EYA3: variants seen among roughly 807,000 people sequenced by gnomAD.
The protein encoded by EYA3 is protein phosphatase EYA3.
Under a neutral mutation model 80.0 loss-of-function variants are expected in EYA3, and 39 were observed. The ratio of observed to expected loss-of-function variants is 0.49; its 90% confidence interval spans 0.38 to 0.64. EYA3 has a LOEUF of 0.64. EYA3 is among the 30% of genes least tolerant of loss of function. The probability of loss-of-function intolerance (pLI) is 0.00; values close to 1 mark genes in which losing one functional copy is unlikely to be tolerated. For synonymous variants in EYA3, 206 were observed against 232.8 expected, an observed-to-expected ratio of 0.88 and a Z score of 1.05; for missense variants, 523 against 676.1, an observed-to-expected ratio of 0.77 and a Z score of 2.51.
At chr1:28,055,469 T>G (rs1420104765) in intron 2 of EYA3, among the ~76,000 whole-genome samples, 1 of 145,182 alleles carries the variant, frequency 6.9e-6, no homozygotes, top group Non-Finnish European at 1.5e-5. Context: ...AATCTTTTTT[T>G]TTTTTTTTTT....
At chr1:28,079,532 C>T (rs1645345849) in intron 1 of EYA3, among the ~76,000 whole-genome samples, 1 of 152,166 alleles carries the variant, frequency 6.6e-6, no homozygotes, top group African/African-American at 2.4e-5. Context: ...AGGACCTAAA[C>T]TTTGGACTGT....
intron 11 of EYA3, among the ~76,000 whole-genome samples, chr1:28,001,537 AG>A (rs1265729992): frequency 9.0e-5 from 13 of 144,642 alleles, no homozygotes; most frequent in Middle Eastern, 3.5e-3. Context: ...TCATGAGGTC[AG>A]GGGATCAAGA....
chr1:28,004,877 A>G (rs1641157648), intron 10 of EYA3, among the ~76,000 whole-genome samples: 1 of 152,160 alleles, frequency 6.6e-6, no homozygotes, highest in Non-Finnish European at 1.5e-5. Context: ...AAAACAACAG[A>G]GAAAAATCAA....
At chr1:28,068,733 C>T (rs1008553888) in intron 1 of EYA3, among the ~76,000 whole-genome samples, 5 of 152,166 alleles carry the variant, frequency 3.3e-5, no homozygotes, top group Non-Finnish European at 5.9e-5. Context: ...ATTGATTTCT[C>T]TTTATAACCG....
In EYA3 at chr1:28,017,025, T is replaced by C. The variant is rs767038339; in HGVS notation, c.585+129A>G. On this transcript the variant is annotated intron_variant, in intron 8 of 17. Transcript: ENST00000373871. ...ATCCAGGGTCCGAGTTCTGAAGGTA[T>C]CCAGAAAAAAGTCTCCACAGCCCAT... The C allele has an allele frequency of 1.6e-4, 111 of 687,436 alleles. 1 individual carries two copies. The highest frequency in any genetic ancestry group is 1.6e-4 in the Non-Finnish European group (64 of 401,156). The allele number at this position is 687,436 out of a possible 1,614,324, so 42.6% of individuals were successfully genotyped here. A position where few individuals can be genotyped will look rare whatever the true frequency, so the allele number is the denominator to read the frequency against.
Position 27,970,583 on chromosome 1 carries a change from C to T in EYA3, c.*3883G>A, listed in dbSNP as rs571907509. 1 of 152,280 alleles carries T rather than the reference C, an allele frequency of 6.6e-6. No individual in the cohort carries two copies. Among genetic ancestry groups the T allele is most frequent in the African/African-American group, 2.4e-5 (1 of 41,548 alleles). 9.4% of individuals were successfully genotyped at this position (152,280 alleles called of 1,614,324 possible). A position where few individuals can be genotyped will look rare whatever the true frequency, so the allele number is the denominator to read the frequency against. ...GTGCATTAGGAACTAGCCAAGGAGC[C>T]TTGCTTGCCAGAGCTGTCTGACTCA... On this transcript the variant is annotated 3_prime_UTR_variant, in exon 18 of 18. Coordinates refer to ENST00000373871, the MANE Select transcript of EYA3 (RefSeq NM_001990.4).
Position 27,972,853 on chromosome 1 carries a change from T to G in EYA3, c.*1613A>C, listed in dbSNP as rs968513376. ...CAGAGGTCGAGAGATGCTCCTGCAT[T>G]TGGCCCAGGATTAAGTTTTGGGCCA... On this transcript the variant is annotated 3_prime_UTR_variant, in exon 18 of 18. Coordinates refer to ENST00000373871, the MANE Select transcript of EYA3 (RefSeq NM_001990.4). 6.6e-5 allele frequency: 10 copies of G among 152,274 alleles called. No individual in the cohort carries two copies. The highest frequency in any genetic ancestry group is 1.4e-4 in the African/African-American group (6 of 41,468). 9.4% of individuals were successfully genotyped at this position (152,274 alleles called of 1,614,324 possible).
At chr1:28,035,407 C>T in intron 6 of EYA3, 137 bp downstream of exon 6, 1 of 846,006 alleles carries the variant, frequency 1.2e-6, no homozygotes. Context: ...TTACATGCAT[C>T]AAACATACTG....
chr1:28,068,501 A>G (rs550547075), intron 1 of EYA3, among the ~76,000 whole-genome samples: 6 of 151,974 alleles, frequency 3.9e-5, no homozygotes, highest in African/African-American at 1.2e-4. Flanking sequence ...TTCTTTTTCA[A>G]TGTATGGATT....
chr1:28,055,771 G>A (rs991918826), intron 2 of EYA3, among the ~76,000 whole-genome samples: 2 of 151,940 alleles, frequency 1.3e-5, no homozygotes, highest in African/African-American at 4.8e-5. Context: ...ACGTCCAGCC[G>A]ATCTGAACAA....
Position 28,083,747 on chromosome 1 carries a change from T to C in EYA3, c.-69+4777A>G, listed in dbSNP as rs539248619. On this transcript the variant is annotated intron_variant, in intron 1 of 17. Transcript: ENST00000373871. ...CGAAAGAACATGATTTTATGTTAAT[T>C]AAGTTTATTTAATTCTAATTATGTT... 2.6e-5 allele frequency among the ~76,000 whole-genome samples: 4 copies of C among 152,284 alleles called. No individual in the cohort carries two copies. The South Asian group carries it at 8.3e-4, about 32-fold the overall frequency.
At chr1:28,053,540 T>C (rs1644342851) in intron 2 of EYA3, among the ~76,000 whole-genome samples, 1 of 152,208 alleles carries the variant, frequency 6.6e-6, no homozygotes, top group South Asian at 2.1e-4. Context: ...ATTCACTGCG[T>C]GTCTTTTCTG....
intron 7 of EYA3, among the ~76,000 whole-genome samples, chr1:28,021,524 A>G (rs1444628386): frequency 6.6e-6 from 1 of 152,114 alleles, no homozygotes; most frequent in African/African-American, 2.4e-5. Flanking sequence ...CACCTGACAT[A>G]CAGCAGGTGA....
At chr1:27,983,226 C>T (rs1293463930) in intron 16 of EYA3, among the ~76,000 whole-genome samples, 1 of 152,192 alleles carries the variant, frequency 6.6e-6, no homozygotes. Context: ...TCAATAAAAA[C>T]TTACACAAAC....
intron 1 of EYA3, among the ~76,000 whole-genome samples, chr1:28,083,750 GTTTA>G (rs926894409): frequency 6.6e-6 from 1 of 152,034 alleles, no homozygotes; most frequent in African/African-American, 2.4e-5. Flanking sequence ...TGTTAATTAA[GTTTA>G]TTTAATTCTA....
chr1:28,054,004 G>T (rs760154884), intron 2 of EYA3, among the ~76,000 whole-genome samples: 1 of 152,118 alleles, frequency 6.6e-6, no homozygotes, highest in Non-Finnish European at 1.5e-5. Context: ...GGTAAAAGTC[G>T]TCATGGAGAC....
intron 7 of EYA3, among the ~76,000 whole-genome samples, chr1:28,023,088 G>A (rs534342933): frequency 1.5e-5 from 1 of 65,494 alleles, no homozygotes; most frequent in Non-Finnish European, 3.1e-5. Context: ...TGGGTGGGGG[G>A]GGGGGGGAAA....
At chr1:27,994,352 T>C (rs1640278650) in intron 13 of EYA3, among the ~76,000 whole-genome samples, 1 of 152,172 alleles carries the variant, frequency 6.6e-6, no homozygotes, top group Admixed American at 6.5e-5. Context: ...AGCTTTCAGA[T>C]GATTAGAGCT....
chr1:27,999,801 C>T (rs990823436), intron 12 of EYA3, among the ~76,000 whole-genome samples, 159 bp downstream of exon 12: 1 of 152,158 alleles, frequency 6.6e-6, no homozygotes, highest in African/African-American at 2.4e-5. Context: ...ACCACAAGTA[C>T]TATTTCTCTA....
Sources: allele counts gnomAD v4.1 joint callset (sites outside exome capture counted in the v4.1 genomes callset), GRCh38; gene constraint gnomAD v4.1.1; transcripts MANE v1.5; gene names NCBI Gene and HGNC (gene_info 2026-07-23, HGNC 2026-07-21).